TLN2: variants seen among roughly 807,000 people sequenced by gnomAD.
TLN2 encodes talin-2.
A neutral mutation model predicts 294.7 loss-of-function variants in TLN2; 118 were observed. That is an observed-to-expected ratio of 0.40 (90% CI 0.34 to 0.47). TLN2 has a LOEUF of 0.47. Among genes scored for constraint, TLN2 ranks in the 20% least tolerant of loss-of-function variants. TLN2 has a pLI of 0.84. For synonymous variants in TLN2, 1,431 were observed against 1,304.5 expected (o/e 1.10, Z -2.09); for missense variants, 3,083 against 3,282.2 (o/e 0.94, Z 1.48).
intron 1 of TLN2, among the ~76,000 whole-genome samples, chr15:62,425,314 C>G (rs1367793534): frequency 6.8e-6 from 1 of 147,146 alleles, no homozygotes; most frequent in Admixed American, 6.9e-5. Context: ...GATGAGCACC[C>G]CTGGGGAATA....
intron 2 of TLN2, among the ~76,000 whole-genome samples, chr15:62,604,164 T>C (rs1050560990): frequency 1.3e-5 from 2 of 152,184 alleles, no homozygotes; most frequent in Admixed American, 6.5e-5. Flanking sequence ...TTTGTCAACC[T>C]GTGCTCTAGG....
Position 62,616,293 on chromosome 15 carries a change from T to C in TLN2, c.-161-2058T>C, listed in dbSNP as rs115524678. On this transcript the variant is annotated intron_variant, in intron 2 of 58. Coordinates refer to ENST00000636159, the MANE Select transcript of TLN2 (RefSeq NM_015059.3). ...CATATGAACACTGTATATGCTCTTATGTCATGTCTGTTTTATTTGTCCTGT... is the reference window on the plus strand; with the variant it reads ...CATATGAACACTGTATATGCTCTTACGTCATGTCTGTTTTATTTGTCCTGT... Among the ~76,000 whole-genome samples, 503 of 152,356 alleles carry C rather than the reference T, an allele frequency of 3.3e-3. 4 individuals carry two copies. Among genetic ancestry groups the C allele is most frequent in the African/African-American group, 0.012 (480 of 41,586 alleles).
At chr15:62,794,431 G>T (rs1203740072) in intron 46 of TLN2, among the ~76,000 whole-genome samples, 1 of 152,162 alleles carries the variant, frequency 6.6e-6, no homozygotes, top group East Asian at 1.9e-4. Flanking sequence ...ACACCTGCTG[G>T]CTGGCACACC....
chr15:62,443,892 G>A (rs542974106), intron 1 of TLN2, among the ~76,000 whole-genome samples: 34 of 152,302 alleles, frequency 2.2e-4, no homozygotes, highest in African/African-American at 7.7e-4. Context: ...CTAGCTACTT[G>A]GGACGTTGAG....
At chr15:62,613,595 A>G (rs2048088210) in intron 2 of TLN2, among the ~76,000 whole-genome samples, 1 of 152,160 alleles carries the variant, frequency 6.6e-6, no homozygotes, top group Non-Finnish European at 1.5e-5. Flanking sequence ...AGAAATATAT[A>G]AGCTACATCC....
chr15:62,665,220 GC>G (rs2054467823), intron 9 of TLN2, among the ~76,000 whole-genome samples: 2 of 152,050 alleles, frequency 1.3e-5, no homozygotes, highest in African/African-American at 4.8e-5. Context: ...GCACCATCAT[GC>G]CCAGCTAACT....
intron 28 of TLN2, among the ~76,000 whole-genome samples, chr15:62,727,565 C>T (rs564864194): frequency 1.2e-4 from 18 of 152,142 alleles, no homozygotes; most frequent in African/African-American, 3.6e-4. Context: ...GAGACAGATG[C>T]GTGCTAATAG....
At chr15:62,455,567 A>G (rs1409383194) in intron 1 of TLN2, among the ~76,000 whole-genome samples, 3 of 152,074 alleles carry the variant, frequency 2.0e-5, no homozygotes, top group African/African-American at 7.2e-5. Flanking sequence ...AGTAACCTAC[A>G]CCTCGTTCCT....
chr15:62,568,019 C>G (rs1012982633), intron 1 of TLN2, among the ~76,000 whole-genome samples: 2 of 152,150 alleles, frequency 1.3e-5, no homozygotes, highest in African/African-American at 2.4e-5. Context: ...GTCACTTTCC[C>G]CTACTGAGTT....
rs771481163 is a variant in TLN2, at chr15:62,727,208, A to C, written c.3358+19A>C. ...TACACAGGTGAGACCCACGCCCTTCATGCCACTGTGGCCAGCTTCAGGCCA... is the reference window on the plus strand; with the variant it reads ...TACACAGGTGAGACCCACGCCCTTCCTGCCACTGTGGCCAGCTTCAGGCCA... On this transcript the variant is annotated intron_variant, in intron 28 of 58. Transcript: ENST00000636159. 1.2e-6 allele frequency: 2 copies of C among 1,606,424 alleles called. No individual in the cohort carries two copies. Among genetic ancestry groups the C allele is most frequent in the African/African-American group, 2.7e-5 (2 of 74,784 alleles).
chr15:62,747,306 C>A (rs1456510273), intron 32 of TLN2, among the ~76,000 whole-genome samples: 1 of 152,156 alleles, frequency 6.6e-6, no homozygotes, highest in Non-Finnish European at 1.5e-5. Flanking sequence ...TACTTATGGG[C>A]TACCTCTTAG....
At chr15:62,831,280 G>T (rs1461414486) in intron 54 of TLN2, 3 of 152,044 alleles carry the variant, frequency 2.0e-5, no homozygotes, top group Non-Finnish European at 4.4e-5. Context: ...AGGCAAGAGC[G>T]TGAGAGACTT....
intron 1 of TLN2, among the ~76,000 whole-genome samples, chr15:62,467,657 C>A (rs889465851): frequency 1.3e-5 from 2 of 150,190 alleles, no homozygotes; most frequent in Non-Finnish European, 1.5e-5. Flanking sequence ...TGCACTCCAG[C>A]CTGGGTGACA....
intron 29 of TLN2, 96 bp from the exon 30 acceptor site, chr15:62,738,118 G>C (rs946128637): frequency 6.9e-7 from 1 of 1,448,082 alleles, no homozygotes; most frequent in Non-Finnish European, 9.4e-7. Context: ...GGTCATTTCC[G>C]TATCTGCTTC....
At chr15:62,678,822 CT>C (rs1280708378) in intron 11 of TLN2, among the ~76,000 whole-genome samples, 1 of 152,136 alleles carries the variant, frequency 6.6e-6, no homozygotes, top group Admixed American at 6.5e-5. Context: ...TAGAGCAAGA[CT>C]CTGCCTCAAA....
At chr15:62,494,374 C>T (rs2038910844) in intron 1 of TLN2, among the ~76,000 whole-genome samples, 1 of 152,156 alleles carries the variant, frequency 6.6e-6, no homozygotes, top group Non-Finnish European at 1.5e-5. Context: ...GATTTGCATT[C>T]AGGCCAGGGA....
In TLN2 at chr15:62,650,053, C is replaced by A. The variant is rs766349485; in HGVS notation, c.137-31C>A. On this transcript the variant is annotated intron_variant, in intron 4 of 58. Transcript: ENST00000636159. ...CAGTGATGGCTTCATCACCACTTTG[C>A]CTTCTGTTTTTCTTCCCATTTATAT... 2.5e-6 allele frequency: 4 copies of A among 1,610,130 alleles called. No individual in the cohort carries two copies. In the South Asian group the frequency reaches 3.3e-5, roughly 13 times the overall value.
At chr15:62,551,499 A>G (rs1196666967) in intron 1 of TLN2, among the ~76,000 whole-genome samples, 1 of 142,036 alleles carries the variant, frequency 7.0e-6, no homozygotes, top group Non-Finnish European at 1.5e-5. Flanking sequence ...GTGAAAGCCA[A>G]TCTCTACTAA....
At chr15:62,488,066 A>G (rs1259139651) in intron 1 of TLN2, among the ~76,000 whole-genome samples, 3 of 152,230 alleles carry the variant, frequency 2.0e-5, no homozygotes, top group Admixed American at 2.0e-4. Context: ...GCAACAAAGC[A>G]AGACTCTGTC....
Sources: allele counts gnomAD v4.1 joint callset (sites outside exome capture counted in the v4.1 genomes callset), GRCh38; gene constraint gnomAD v4.1.1; transcripts MANE v1.5; gene names NCBI Gene and HGNC (gene_info 2026-07-23, HGNC 2026-07-21).